The following CCSER1 variants were observed in gnomAD, a reference collection of about 807,000 sequenced individuals.
The protein encoded by CCSER1 is coiled-coil serine rich protein 1.
In CCSER1, 41 loss-of-function variants were observed where a neutral mutation model predicts 82.0. The ratio of observed to expected loss-of-function variants is 0.50; its 90% CI spans 0.39 to 0.65. The LOEUF (loss-of-function observed/expected upper bound fraction) is 0.65, where lower values mean the gene tolerates loss of function less well. Among genes scored for constraint, CCSER1 ranks in the 30% least tolerant of loss-of-function variants. The probability of loss-of-function intolerance (pLI) is 0.00; values close to 1 mark genes in which losing one functional copy is unlikely to be tolerated. For synonymous variants in CCSER1, 414 were observed against 383.9 expected, an observed-to-expected ratio of 1.08 and a Z score of -0.92; for missense variants, 1,119 against 1,064.2, an observed-to-expected ratio of 1.05 and a Z score of -0.72.
intron 8 of CCSER1, among the ~76,000 whole-genome samples, chr4:90,873,315 T>C (rs1432789340): frequency 1.3e-5 from 2 of 152,078 alleles, no homozygotes; most frequent in Non-Finnish European, 2.9e-5. Flanking sequence ...AAATAGAGTG[T>C]GTTCAGGTTT....
At chr4:91,186,354 A>C (rs983868998) in intron 10 of CCSER1, among the ~76,000 whole-genome samples, 4 of 152,040 alleles carry the variant, frequency 2.6e-5, no homozygotes, top group African/African-American at 9.7e-5. Context: ...CAGACCCCAC[A>C]CTTGTCCCAT....
chr4:91,262,023 T>C (rs1581863294), intron 10 of CCSER1, among the ~76,000 whole-genome samples: 1 of 152,222 alleles, frequency 6.6e-6, no homozygotes, highest in East Asian at 1.9e-4. Context: ...TTCAATTTCC[T>C]GAATTATAAA....
chr4:90,977,200 C>T (rs1355361185), intron 9 of CCSER1, among the ~76,000 whole-genome samples: 2 of 151,438 alleles, frequency 1.3e-5, no homozygotes, highest in South Asian at 2.1e-4. Context: ...AGCAAGACTT[C>T]GCAGAAAGAC....
At chr4:91,144,310 T>C (rs1439990284) in intron 10 of CCSER1, among the ~76,000 whole-genome samples, 1 of 151,820 alleles carries the variant, frequency 6.6e-6, no homozygotes, top group Non-Finnish European at 1.5e-5. Flanking sequence ...GATTATAGTG[T>C]CATTTTTGTT....
At chr4:90,876,156 C>T (rs1223113804) in intron 8 of CCSER1, among the ~76,000 whole-genome samples, 1 of 151,958 alleles carries the variant, frequency 6.6e-6, no homozygotes, top group Non-Finnish European at 1.5e-5. Flanking sequence ...GAAAGTTTTT[C>T]CCCCTCAATT....
chr4:91,500,356 A>G (rs1413033582), intron 10 of CCSER1, among the ~76,000 whole-genome samples: 1 of 151,974 alleles, frequency 6.6e-6, no homozygotes, highest in Non-Finnish European at 1.5e-5. Flanking sequence ...AGAGTTATTT[A>G]TATATTTTGG....
chr4:90,667,345 A>G (rs1731978446), intron 6 of CCSER1, among the ~76,000 whole-genome samples: 1 of 152,092 alleles, frequency 6.6e-6, no homozygotes, highest in Non-Finnish European at 1.5e-5. Context: ...AGTGTTAGCT[A>G]CTATTATTAT....
chr4:90,274,505 A>G (rs994922626), intron 1 of CCSER1, among the ~76,000 whole-genome samples: 9 of 152,282 alleles, frequency 5.9e-5, no homozygotes, highest in South Asian at 2.1e-4. Flanking sequence ...GTTTGTTACT[A>G]TTGTTCAGTG....
chr4:91,466,566 C>A (rs1756920104), intron 10 of CCSER1, among the ~76,000 whole-genome samples: 1 of 152,112 alleles, frequency 6.6e-6, no homozygotes, highest in African/African-American at 2.4e-5. Flanking sequence ...GTCAAATTGT[C>A]CCTCTTTGCA....
intron 10 of CCSER1, among the ~76,000 whole-genome samples, chr4:91,100,331 T>C (rs1724932182): frequency 6.6e-6 from 1 of 152,158 alleles, no homozygotes; most frequent in African/African-American, 2.4e-5. Context: ...TTGAGTAGTG[T>C]CTGGCACATA....
intron 9 of CCSER1, among the ~76,000 whole-genome samples, chr4:91,027,319 A>C (rs1047217554): frequency 1.3e-5 from 2 of 152,040 alleles, no homozygotes; most frequent in African/African-American, 2.4e-5. Context: ...GGAGATAATC[A>C]CATAAGTAAT....
intron 8 of CCSER1, among the ~76,000 whole-genome samples, chr4:90,876,462 T>A (rs1258318695): frequency 1.3e-5 from 2 of 152,118 alleles, no homozygotes; most frequent in African/African-American, 2.4e-5. Flanking sequence ...GTTAATAACA[T>A]GATATTTTAA....
chr4:91,083,016 A>T (rs974060207), intron 9 of CCSER1, among the ~76,000 whole-genome samples: 8 of 152,206 alleles, frequency 5.3e-5, no homozygotes, highest in Admixed American at 3.3e-4. Context: ...TTCCTCAAGG[A>T]TCTAGAACTA....
intron 7 of CCSER1, among the ~76,000 whole-genome samples, chr4:90,726,569 T>A (rs1743681326): frequency 1.3e-5 from 2 of 152,182 alleles, no homozygotes; most frequent in Admixed American, 1.3e-4. Context: ...TGGCAGCATT[T>A]TTCAACTTTG....
intron 4 of CCSER1, among the ~76,000 whole-genome samples, chr4:90,463,919 T>C (rs1763293508): frequency 2.0e-5 from 3 of 152,070 alleles, no homozygotes; most frequent in African/African-American, 7.2e-5. Context: ...TTTTATGCTT[T>C]AACAATGATT....
intron 5 of CCSER1, among the ~76,000 whole-genome samples, chr4:90,495,430 G>T (rs1768833316): frequency 6.6e-6 from 1 of 152,080 alleles, no homozygotes; most frequent in Admixed American, 6.6e-5. Flanking sequence ...TTTAGAAATG[G>T]ATGTCTAGCC....
intron 8 of CCSER1, among the ~76,000 whole-genome samples, chr4:90,826,262 G>T (rs973511472): frequency 1.3e-5 from 2 of 152,100 alleles, no homozygotes. Flanking sequence ...CAGTCTTTTG[G>T]ACTCTAGTAC....
At chr4:90,482,794 A>G (rs185193284) in intron 5 of CCSER1, among the ~76,000 whole-genome samples, 1 of 152,160 alleles carries the variant, frequency 6.6e-6, no homozygotes, top group African/African-American at 2.4e-5. Context: ...ACTTCCAAGT[A>G]TGTGGTCAGT....
intron 7 of CCSER1, among the ~76,000 whole-genome samples, chr4:90,767,997 G>A (rs191222107): frequency 1.3e-5 from 2 of 152,308 alleles, no homozygotes; most frequent in Admixed American, 6.5e-5. Flanking sequence ...CTCTAAGATT[G>A]CCCCAGTGAT....
Sources: allele counts gnomAD v4.1 joint callset (sites outside exome capture counted in the v4.1 genomes callset), GRCh38; gene constraint gnomAD v4.1.1; transcripts MANE v1.5; gene names NCBI Gene and HGNC (gene_info 2026-07-23, HGNC 2026-07-21).